Variants in AOPEP observed in about 807,000 individuals in gnomAD.
AOPEP encodes the protein aminopeptidase O.
AOPEP carries 77 observed loss-of-function variants against 98.1 expected under a neutral mutation model. The observed-to-expected ratio is 0.78, with a 90% CI of 0.65 to 0.95. AOPEP has a LOEUF of 0.95. AOPEP is among the 40% of genes least tolerant of loss of function. The pLI, the probability that AOPEP is intolerant of heterozygous loss-of-function variation, is 0.00. For missense variants in AOPEP, 1,024 were observed against 1,024.7 expected, an observed-to-expected ratio of 1.00 and a Z score of 0.01; for synonymous variants, 346 against 365.3, an observed-to-expected ratio of 0.95 and a Z score of 0.60.
chr9:94,790,752 A>G (rs907335932), intron 3 of AOPEP, among the ~76,000 whole-genome samples: 1 of 152,042 alleles, frequency 6.6e-6, no homozygotes, highest in Admixed American at 6.6e-5. Context: ...TCTAATCTCT[A>G]TTATTGGTTT....
intron 5 of AOPEP, among the ~76,000 whole-genome samples, chr9:94,807,592 G>A (rs879506030): frequency 1.3e-5 from 2 of 152,002 alleles, no homozygotes; most frequent in African/African-American, 2.4e-5. Context: ...TTTTTCCCCC[G>A]CCTTGCCACT....
the AOPEP span, among the ~76,000 whole-genome samples, chr9:95,135,835 C>A: frequency 6.6e-6 from 1 of 152,224 alleles, no homozygotes; most frequent in Non-Finnish European, 1.5e-5. Context: ...CAGTCCCTAA[C>A]TGAAGAAATA....
rs77425780 is a variant in AOPEP at position 95,066,930 on chromosome 9, C to G, written c.2232+6120C>G. ...GTTTACATACTTTTGTATTGGATTT[C>G]TGTTCTGAAATCCACACCAGAAACC... is the stretch of plus-strand genomic sequence containing the variant. On this transcript the variant is annotated intron_variant, in intron 14 of 16. Transcript: ENST00000375315. Among the ~76,000 whole-genome samples the G allele has an allele frequency of 7.9e-3, 1,200 of 152,260 alleles. 11 individuals carry two copies. The highest frequency in any genetic ancestry group is 0.028 in the African/African-American group (1,145 of 41,542).
intron 11 of AOPEP, among the ~76,000 whole-genome samples, chr9:94,986,141 C>T (rs957510202): frequency 8.5e-5 from 13 of 152,122 alleles, no homozygotes; most frequent in South Asian, 2.1e-4. Flanking sequence ...GTGCCAACAG[C>T]GTTGGTTTCT....
At position 94,827,001 on chromosome 9, in the gene AOPEP, C is replaced by T. The variant is rs566952337; in HGVS notation, c.1364+25999C>T. ...TAACATGCCCCAGTGGAACTTGCAA[C>T]TGGCTTTTGGTAGATCTTGTCTACC... is the stretch of plus-strand genomic sequence containing the variant. On this transcript the variant is annotated intron_variant, in intron 5 of 16. Coordinates refer to ENST00000375315, the MANE Select transcript of AOPEP (RefSeq NM_001193329.3). Among the ~76,000 whole-genome samples, 6 of 152,330 alleles carry T rather than the reference C, an allele frequency of 3.9e-5. No homozygotes were observed. The South Asian group carries it at 1.2e-3, about 32-fold the overall frequency.
downstream of AOPEP, among the ~76,000 whole-genome samples, chr9:95,090,971 T>C (rs1304725983): frequency 6.6e-6 from 1 of 152,132 alleles, no homozygotes; most frequent in African/African-American, 2.4e-5. Context: ...CTGCCCTCAA[T>C]GACAAAGGGG....
At chr9:95,105,604 A>G in the AOPEP span, among the ~76,000 whole-genome samples, 1 of 152,158 alleles carries the variant, frequency 6.6e-6, no homozygotes, top group Non-Finnish European at 1.5e-5. Context: ...CACAGCCATC[A>G]GCACTGGCCG....
intron 13 of AOPEP, among the ~76,000 whole-genome samples, chr9:95,050,229 G>A (rs916913543): frequency 1.3e-5 from 2 of 152,208 alleles, no homozygotes; most frequent in African/African-American, 4.8e-5. Flanking sequence ...ACATTGGCAA[G>A]GCAGCCTTTT....
At chr9:95,015,944 C>G (rs924816678) in intron 13 of AOPEP, among the ~76,000 whole-genome samples, 7 of 152,092 alleles carry the variant, frequency 4.6e-5, no homozygotes, top group Non-Finnish European at 1.0e-4. Flanking sequence ...TCAAGTGATC[C>G]GCCTGCCTTG....
intron 5 of AOPEP, among the ~76,000 whole-genome samples, chr9:94,875,621 C>T (rs1052025087): frequency 2.0e-5 from 3 of 152,176 alleles, no homozygotes; most frequent in African/African-American, 7.2e-5. Context: ...TATAGAAGCA[C>T]ACTCCTCAGT....
Position 94,760,478 on chromosome 9 carries a change from CAG to C in AOPEP, c.696_697del (p.Ala234SerfsTer5), listed in dbSNP as rs750720840. 6.6e-5 allele frequency: 107 copies of C among 1,613,116 alleles called. No homozygotes were observed. Among genetic ancestry groups the C allele is most frequent in the Non-Finnish European group, 8.1e-5 (95 of 1,179,720 alleles). ...ACTTGGAGCTTGCAGATAAGGAAGA[CAG>C]GGGCTCAGACAGCTACTGACTTTCC... On this transcript the variant is annotated frameshift_variant, in exon 2 of 17. Transcript: ENST00000375315. LOFTEE classifies it high-confidence loss of function.
intron 2 of AOPEP, among the ~76,000 whole-genome samples, chr9:94,772,459 C>A (rs1841105928): frequency 6.6e-6 from 1 of 152,184 alleles, no homozygotes; most frequent in Non-Finnish European, 1.5e-5. Flanking sequence ...TGTTCATATG[C>A]CAGCCCCTGT....
Position 94,760,509 on chromosome 9 carries a change from T to C in AOPEP, c.726T>C (p.His242=). Residue 242 remains histidine, a synonymous_variant, in exon 2 of 17, where the codon CAT becomes CAC. Coordinates refer to ENST00000375315, the MANE Select transcript of AOPEP (RefSeq NM_001193329.3). ...CTCAGACAGCTACTGACTTTCCTCA[T>C]GCTATCAGGATATGGTACAAAACTA... The part of the protein sequence containing the change: ...TGAQTATDFP[H]AIRIWYKTKP... The C allele has an allele frequency of 3.1e-6, 5 of 1,606,644 alleles. No homozygotes were observed. Among genetic ancestry groups the C allele is most frequent in the Non-Finnish European group, 4.2e-6 (5 of 1,177,318 alleles).
chr9:95,014,195 G>C lies in AOPEP; in HGVS notation c.2115+8579G>C, dbSNP rs377360308. 7.9e-5 allele frequency among the ~76,000 whole-genome samples: 12 copies of C among 152,270 alleles called. No individual in the cohort carries two copies. The East Asian group carries it at 9.6e-4, about 12-fold the overall frequency. ...CCAAATACAAAAATTGTCTGGTCATGGTGGCTCACGCCTGTAATCCCAGTA... is the reference window on the plus strand; with the variant it reads ...CCAAATACAAAAATTGTCTGGTCATCGTGGCTCACGCCTGTAATCCCAGTA... On this transcript the variant is annotated intron_variant, in intron 13 of 16. Transcript: ENST00000375315.
intron 5 of AOPEP, among the ~76,000 whole-genome samples, chr9:94,834,780 G>A (rs10993364): frequency 0.056 from 8,552 of 151,616 alleles, 363 homozygotes; most frequent in South Asian, 0.11. Context: ...GCAACAGAGC[G>A]AGACTGTCTC....
chr9:94,857,319 A>G (rs2044347239), intron 5 of AOPEP, among the ~76,000 whole-genome samples: 1 of 152,064 alleles, frequency 6.6e-6, no homozygotes, highest in African/African-American at 2.4e-5. Flanking sequence ...ACTGCTGCGA[A>G]TTCACCTCAT....
At chr9:95,005,757 ATTC>A in intron 13 of AOPEP, 141 bp downstream of exon 13, 1 of 678,086 alleles carries the variant, frequency 1.5e-6, no homozygotes, top group Non-Finnish European at 2.6e-6. Context: ...ATATGGGGAA[ATTC>A]TACAGAAATA....
intron 5 of AOPEP, among the ~76,000 whole-genome samples, chr9:94,917,608 G>A (rs549830001): frequency 2.4e-4 from 36 of 152,264 alleles, no homozygotes; most frequent in Non-Finnish European, 2.8e-4. Context: ...TCATAAAGCT[G>A]GAGCTCCTAG....
At chr9:94,884,567 C>G (rs535931576) in intron 5 of AOPEP, among the ~76,000 whole-genome samples, 10 of 152,254 alleles carry the variant, frequency 6.6e-5, no homozygotes, top group African/African-American at 2.4e-4. Flanking sequence ...AACCCCAGAC[C>G]CCCAGACCTG....
Sources: allele counts gnomAD v4.1 joint callset (sites outside exome capture counted in the v4.1 genomes callset), GRCh38; gene constraint gnomAD v4.1.1; transcripts MANE v1.5; gene names NCBI Gene and HGNC (gene_info 2026-07-23, HGNC 2026-07-21).